The following PXDNL variants were observed in gnomAD, a reference collection of about 807,000 sequenced individuals.
The protein encoded by PXDNL is peroxidasin like.
In PXDNL, 145 loss-of-function variants were observed where a neutral mutation model predicts 150.8. That is an observed-to-expected ratio of 0.96 (90% confidence interval 0.84 to 1.10). The LOEUF (loss-of-function observed/expected upper bound fraction) is 1.10. PXDNL is among the 50% of genes least tolerant of loss of function. The pLI, the probability that PXDNL is intolerant of heterozygous loss-of-function variation, is 0.00. For synonymous variants in PXDNL, 757 were observed against 725.7 expected (o/e 1.04, Z -0.69); for missense variants, 2,087 against 1,873.9 (o/e 1.11, Z -2.10).
chr8:51,599,232 T>A (rs954230632), intron 2 of PXDNL, among the ~76,000 whole-genome samples: 1 of 152,090 alleles, frequency 6.6e-6, no homozygotes, highest in East Asian at 1.9e-4. Flanking sequence ...CTCAGTTTTA[T>A]TCATTTCTGC....
intron 1 of PXDNL, among the ~76,000 whole-genome samples, chr8:51,707,836 T>C (rs1324676918): frequency 6.6e-6 from 1 of 152,208 alleles, no homozygotes; most frequent in African/African-American, 2.4e-5. Context: ...GTTTATGTTG[T>C]CACAAATGGT....
At chr8:51,568,170 A>C (rs762108523) in intron 3 of PXDNL, among the ~76,000 whole-genome samples, 1 of 149,492 alleles carries the variant, frequency 6.7e-6, no homozygotes, top group Non-Finnish European at 1.5e-5. Flanking sequence ...AAAAAATAAA[A>C]GATTATATTT....
At chr8:51,454,358 T>G (rs1308581201) in intron 9 of PXDNL, among the ~76,000 whole-genome samples, 1 of 152,180 alleles carries the variant, frequency 6.6e-6, no homozygotes. Flanking sequence ...CTGTGACAGA[T>G]TACCCTTGTC....
chr8:51,408,222 G>A lies in PXDNL; in HGVS notation c.3402C>T (p.Ala1134=), dbSNP rs749277291. 2 of 1,614,014 alleles carry A rather than the reference G, an allele frequency of 1.2e-6. No homozygotes were observed. Among genetic ancestry groups the A allele is most frequent in the Admixed American group, 1.7e-5 (1 of 60,030 alleles). ...QRLFSAAYSA[A]VDSAATIIQR... is the part of the protein sequence containing the mutation. ...GAATGATGGTGGCAGCCGAATCCAC[G>A]GCCGCAGAATAAGCCGCGGAGAAGA... The change falls in exon 17 of 23, where the codon GCC becomes GCT. Residue 1134 remains alanine (A), a synonymous_variant. Coordinates refer to ENST00000356297, the MANE Select transcript of PXDNL (RefSeq NM_144651.5).
intron 2 of PXDNL, among the ~76,000 whole-genome samples, chr8:51,633,069 C>G (rs182123503): frequency 6.6e-6 from 1 of 152,014 alleles, no homozygotes; most frequent in East Asian, 1.9e-4. Flanking sequence ...ATTCTAATAC[C>G]CCCCGTGTCA....
At chr8:51,655,273 C>T (rs529358569) in intron 1 of PXDNL, among the ~76,000 whole-genome samples, 29 of 152,176 alleles carry the variant, frequency 1.9e-4, no homozygotes, top group Non-Finnish European at 3.4e-4. Flanking sequence ...TTGAGAGAGA[C>T]GTTACTCCAC....
chr8:51,559,345 G>A (rs1443081572), intron 3 of PXDNL, among the ~76,000 whole-genome samples: 9 of 57,152 alleles, frequency 1.6e-4, no homozygotes, highest in East Asian at 8.5e-4. Context: ...CCCCCCCCCC[G>A]CCACCTTCTT....
intron 1 of PXDNL, among the ~76,000 whole-genome samples, chr8:51,737,452 C>G (rs888595736): frequency 2.0e-5 from 3 of 152,222 alleles, no homozygotes; most frequent in Admixed American, 6.5e-5. Flanking sequence ...AGCCTGGTAC[C>G]CAGCAGGCAT....
At chr8:51,335,018 A>C (rs954570256) in intron 21 of PXDNL, among the ~76,000 whole-genome samples, 2 of 152,222 alleles carry the variant, frequency 1.3e-5, no homozygotes, top group African/African-American at 4.8e-5. Flanking sequence ...ATTTTAAGAA[A>C]GCCTCTGGAG....
intron 3 of PXDNL, among the ~76,000 whole-genome samples, chr8:51,558,105 G>T (rs1812634124): frequency 6.6e-6 from 1 of 152,124 alleles, no homozygotes; most frequent in African/African-American, 2.4e-5. Context: ...GCATTGAGAA[G>T]TCGTCTCAAA....
At position 51,390,287 on chromosome 8, in the gene PXDNL, A is replaced by G. The variant is rs1207355716; in HGVS notation, c.3558-15556T>C. Among the ~76,000 whole-genome samples the G allele has an allele frequency of 3.9e-5, 6 of 152,328 alleles. No homozygotes were observed. The East Asian group carries it at 9.6e-4, about 24-fold the overall frequency. On this transcript the variant is annotated intron_variant, in intron 17 of 22. Coordinates refer to ENST00000356297, the MANE Select transcript of PXDNL (RefSeq NM_144651.5). ...CTCATAAGTATTTGCAAAGGAGAAT[A>G]TTTTAGAGCCATTTAAAAGCATTCA...
intron 1 of PXDNL, among the ~76,000 whole-genome samples, chr8:51,699,158 C>T (rs892801847): frequency 3.3e-5 from 5 of 152,134 alleles, no homozygotes; most frequent in African/African-American, 4.8e-5. Context: ...GTCAATCTGT[C>T]CTTCGAAGAT....
chr8:51,765,849 C>CTTT (rs5891431), intron 1 of PXDNL, among the ~76,000 whole-genome samples: 2 of 142,158 alleles, frequency 1.4e-5, no homozygotes, highest in Admixed American at 1.4e-4. Context: ...CCTGTTTATT[C>CTTT]TTTTTTTTTT....
intron 1 of PXDNL, among the ~76,000 whole-genome samples, chr8:51,800,452 G>A (rs1454689762): frequency 6.6e-6 from 1 of 152,168 alleles, no homozygotes; most frequent in Non-Finnish European, 1.5e-5. Context: ...GTAACAGGGA[G>A]AAGAAAGGCT....
chr8:51,789,776 C>T (rs1451366633), intron 1 of PXDNL, among the ~76,000 whole-genome samples: 1 of 152,070 alleles, frequency 6.6e-6, no homozygotes, highest in Non-Finnish European at 1.5e-5. Flanking sequence ...GAGTATCCTT[C>T]AGGGGAAAGA....
At chr8:51,766,938 A>T (rs2037238297) in intron 1 of PXDNL, among the ~76,000 whole-genome samples, 1 of 152,020 alleles carries the variant, frequency 6.6e-6, no homozygotes, top group Admixed American at 6.5e-5. Flanking sequence ...TAGAACTATG[A>T]TCATGTGTAT....
At chr8:51,351,108 C>T (rs1459145358) in intron 19 of PXDNL, among the ~76,000 whole-genome samples, 1 of 152,184 alleles carries the variant, frequency 6.6e-6, no homozygotes, top group African/African-American at 2.4e-5. Flanking sequence ...TTTCTTATTA[C>T]AATTGCTTTA....
chr8:51,467,970 T>C (rs1810239189), intron 8 of PXDNL, among the ~76,000 whole-genome samples: 1 of 152,060 alleles, frequency 6.6e-6, no homozygotes, highest in Non-Finnish European at 1.5e-5. Context: ...GTAAAGAATC[T>C]CTAAAATTAT....
intron 20 of PXDNL, among the ~76,000 whole-genome samples, chr8:51,344,029 T>C (rs3097707): frequency 0.44 from 66,496 of 152,086 alleles, 18,242 homozygotes; most frequent in African/African-American, 0.79. Context: ...TCTTTCAGAA[T>C]GTTCTGGAAG....
Sources: gnomAD v4.1 joint callset for allele counts (sites outside exome capture counted in the v4.1 genomes callset) on GRCh38, gnomAD v4.1.1 for gene constraint, MANE v1.5 for transcripts, NCBI Gene and HGNC (gene_info 2026-07-23, HGNC 2026-07-21) for gene names.